Variants in ANKRD11 observed in about 807,000 individuals in gnomAD.
The protein encoded by ANKRD11 is ankyrin repeat domain-containing protein 11.
A neutral mutation model predicts 195.7 loss-of-function variants in ANKRD11; 17 were observed. That is an observed-to-expected ratio of 0.09 (90% CI 0.06 to 0.13). The LOEUF is 0.13. Ranked by LOEUF, ANKRD11 falls within the 10% of genes least tolerant of loss-of-function variation. The pLI is 1.00. For synonymous variants in ANKRD11, 1,953 were observed against 1,528.1 expected (o/e 1.28, Z -6.49); for missense variants, 3,735 against 3,566.1 (o/e 1.05, Z -1.21).
intron 2 of ANKRD11, among the ~76,000 whole-genome samples, chr16:89,375,880 C>T (rs185297039): frequency 7.2e-5 from 11 of 151,972 alleles, no homozygotes; most frequent in African/African-American, 1.9e-4. Context: ...GTGCCACTAG[C>T]GATGCTGGCA....
intron 2 of ANKRD11, among the ~76,000 whole-genome samples, chr16:89,395,479 AGCATGC>A (rs2041386456): frequency 6.6e-6 from 1 of 152,130 alleles, no homozygotes; most frequent in Admixed American, 6.5e-5. Flanking sequence ...TGCTTCTGTG[AGCATGC>A]GCCCAGGAAC....
At chr16:89,344,594 A>AC (rs2038850144) in intron 2 of ANKRD11, among the ~76,000 whole-genome samples, 1 of 152,206 alleles carries the variant, frequency 6.6e-6, no homozygotes, top group Non-Finnish European at 1.5e-5. Context: ...ATAAGCCCAC[A>AC]ATGCAAGCGT....
chr16:89,435,053 G>C (rs1045054123), intron 1 of ANKRD11, among the ~76,000 whole-genome samples: 3 of 152,162 alleles, frequency 2.0e-5, no homozygotes, highest in Non-Finnish European at 4.4e-5. Flanking sequence ...TTCTGGGTCG[G>C]GTGGGGACTT....
chr16:89,427,565 G>T (rs1213266259), intron 1 of ANKRD11, among the ~76,000 whole-genome samples: 1 of 152,224 alleles, frequency 6.6e-6, no homozygotes, highest in African/African-American at 2.4e-5. Flanking sequence ...AGGAGGCCGA[G>T]GCGGGAGGAT....
chr16:89,360,904 C>T lies in ANKRD11; in HGVS notation c.-59-43826G>A, dbSNP rs146657250. Among the ~76,000 whole-genome samples, 273 of 152,324 alleles carry T rather than the reference C, an allele frequency of 1.8e-3. 2 individuals carry two copies. The highest frequency in any genetic ancestry group is 5.7e-3 in the African/African-American group (239 of 41,566). On this transcript the variant is annotated intron_variant, in intron 2 of 12. Coordinates refer to ENST00000301030, the MANE Select transcript of ANKRD11 (RefSeq NM_013275.6). Reference sequence around the variant, plus strand: ...GACCTGCAAACCTCAACAGAATCCACGGTCTCTTGCCCCTGCACTGAGCCT... The same window carrying T: ...GACCTGCAAACCTCAACAGAATCCATGGTCTCTTGCCCCTGCACTGAGCCT...
rs530500571 is a variant in ANKRD11 at position 89,293,156 on chromosome 16, G to T, written c.227-1973C>A. On this transcript the variant is annotated intron_variant, in intron 4 of 12. Coordinates refer to ENST00000301030, the MANE Select transcript of ANKRD11 (RefSeq NM_013275.6). ...AAGACCTAGCCACGCACATTCAGAGGCCTGCTCCCTCCGTCACCCAGAGCA... is the reference window on the plus strand; with the variant it reads ...AAGACCTAGCCACGCACATTCAGAGTCCTGCTCCCTCCGTCACCCAGAGCA... Among the ~76,000 whole-genome samples the T allele has an allele frequency of 2.0e-5, 3 of 152,264 alleles. No individual in the cohort carries two copies. In the South Asian group the frequency reaches 6.2e-4, roughly 32 times the overall value.
intron 4 of ANKRD11, 69 bp downstream of exon 4, chr16:89,305,137 G>T: frequency 6.3e-7 from 1 of 1,583,500 alleles, no homozygotes; most frequent in Non-Finnish European, 8.6e-7. Flanking sequence ...GGGGGCCAGG[G>T]ACGCCCTGCC....
At chr16:89,458,711 C>G (rs1300258624) in intron 1 of ANKRD11, among the ~76,000 whole-genome samples, 5 of 152,240 alleles carry the variant, frequency 3.3e-5, no homozygotes, top group Admixed American at 3.3e-4. Flanking sequence ...TCTCCTTAAA[C>G]AAAATCCAAG....
intron 1 of ANKRD11, among the ~76,000 whole-genome samples, chr16:89,446,421 T>C (rs980223343): frequency 3.3e-5 from 5 of 152,046 alleles, no homozygotes; most frequent in Admixed American, 2.0e-4. Context: ...CTGGTCAACA[T>C]AGCAAAACCC....
At chr16:89,369,281 C>T (rs1294338963) in intron 2 of ANKRD11, among the ~76,000 whole-genome samples, 1 of 152,232 alleles carries the variant, frequency 6.6e-6, no homozygotes, top group African/African-American at 2.4e-5. Flanking sequence ...AATGCCCACA[C>T]GTCTCCACGA....
chr16:89,268,621 T>G lies in ANKRD11; in HGVS notation c.7849A>C (p.Asn2617His). 6.4e-7 allele frequency: 1 copy of G among 1,567,084 alleles called. No individual in the cohort carries two copies. The highest frequency in any genetic ancestry group is 1.2e-5 in the South Asian group (1 of 85,276). ...MRQQHEAAALNAVQRMEWQLK... is the reference protein window; with the variant it reads ...MRQQHEAAALHAVQRMEWQLK... ...TGCCACTCCATCCTCTGCACGGCGT[T>G]CAGGGCCGCGGCCTCGTGCTGCTGC... Residue 2617 changes from asparagine to histidine, a missense_variant, in exon 13 of 13, where the codon AAC becomes CAC. By Grantham distance (68) the Asn-to-His change is moderately conservative. Coordinates refer to ENST00000301030, the MANE Select transcript of ANKRD11 (RefSeq NM_013275.6).
chr16:89,343,467 A>G (rs2038791081), intron 2 of ANKRD11, among the ~76,000 whole-genome samples: 2 of 152,214 alleles, frequency 1.3e-5, no homozygotes, highest in Non-Finnish European at 2.9e-5. Context: ...CAGGGTACAC[A>G]GGTATTCCTA....
chr16:89,407,842 T>C (rs1474615320), intron 2 of ANKRD11, among the ~76,000 whole-genome samples: 1 of 134,532 alleles, frequency 7.4e-6, no homozygotes, highest in Non-Finnish European at 1.6e-5. Flanking sequence ...AGTCAGATCC[T>C]GTCTCCCTCC....
Position 89,282,930 on chromosome 16 carries a change from C to T in ANKRD11, c.3612G>A (p.Lys1204=), listed in dbSNP as rs768749922. The T allele has an allele frequency of 6.2e-7, 1 of 1,613,270 alleles. No individual in the cohort carries two copies. Among genetic ancestry groups the T allele is most frequent in the Admixed American group, 1.7e-5 (1 of 59,968 alleles). ...ACTCTTTATCCTTCTTCTCCTTGTG[C>T]TTTTCAAAGACTTTCTCTTTTTTGT... ...GRDKKEKVFE[K]HKEKKDKEST... The change falls in exon 9 of 13, where the codon AAG becomes AAA. Residue 1204 remains lysine (K), a synonymous_variant. Coordinates refer to ENST00000301030, the MANE Select transcript of ANKRD11 (RefSeq NM_013275.6).
intron 12 of ANKRD11, 63 bp from the exon 13 acceptor site, chr16:89,268,726 G>T: frequency 2.0e-6 from 3 of 1,529,600 alleles, no homozygotes; most frequent in South Asian, 1.2e-5. Context: ...AGACTCTGCC[G>T]ACCTCAGCTG....
At chr16:89,479,722 T>G (rs1173900030) in intron 1 of ANKRD11, among the ~76,000 whole-genome samples, 1 of 151,276 alleles carries the variant, frequency 6.6e-6, no homozygotes, top group Non-Finnish European at 1.5e-5. Context: ...AGGGGGCGGA[T>G]CACGAGTTCA....
chr16:89,313,524 G>C, intron 3 of ANKRD11: 1 of 1,289,234 alleles, frequency 7.8e-7, no homozygotes. Flanking sequence ...ATGCACTGCA[G>C]AGTTGTGGGC....
intron 4 of ANKRD11, 67 bp downstream of exon 4, chr16:89,305,139 C>T (rs954841552): frequency 1.0e-5 from 16 of 1,584,074 alleles, no homozygotes; most frequent in Middle Eastern, 2.3e-4. Flanking sequence ...GGGCCAGGGA[C>T]GCCCTGCCTG....
At chr16:89,274,312 C>T (rs1478780876) in intron 11 of ANKRD11, among the ~76,000 whole-genome samples, 1 of 152,206 alleles carries the variant, frequency 6.6e-6, no homozygotes, top group Non-Finnish European at 1.5e-5. Flanking sequence ...GAGTCCGGCC[C>T]GCCCTGGCCC....
Sources: gnomAD v4.1 joint callset for allele counts (sites outside exome capture counted in the v4.1 genomes callset) on GRCh38, gnomAD v4.1.1 for gene constraint, MANE v1.5 for transcripts, NCBI Gene and HGNC (gene_info 2026-07-23, HGNC 2026-07-21) for gene names.